The following VPS37B variants were observed in gnomAD, a reference collection of about 807,000 sequenced individuals.
VPS37B encodes the protein vacuolar protein sorting-associated protein 37B.
Under a neutral mutation model 21.2 loss-of-function variants are expected in VPS37B, and 11 were observed. The ratio of observed to expected loss-of-function variants is 0.52; its 90% CI spans 0.33 to 0.86. The LOEUF (loss-of-function observed/expected upper bound fraction) is 0.86, where lower values mean the gene tolerates loss of function less well. Among genes scored for constraint, VPS37B ranks in the 40% least tolerant of loss-of-function variants. The pLI, the probability that VPS37B is intolerant of heterozygous loss-of-function variation, is 0.03. For synonymous variants in VPS37B, 175 were observed against 159.6 expected (o/e 1.10, Z -0.73); for missense variants, 389 against 374.8 (o/e 1.04, Z -0.31).
At chr12:122,890,525 G>A (rs545227766) in intron 1 of VPS37B, among the ~76,000 whole-genome samples, 161 of 152,008 alleles carry the variant, frequency 1.1e-3, no homozygotes, top group African/African-American at 3.8e-3. Flanking sequence ...ATGGAGTTTC[G>A]CCATATTGCC....
intron 1 of VPS37B, chr12:122,888,697 G>A (rs1658195657): frequency 2.5e-6 from 1 of 406,258 alleles, no homozygotes; most frequent in Admixed American, 2.7e-5. Context: ...CTAACAGGAT[G>A]TTAGGTCATC....
chr12:122,872,932 A>C (rs1326280368), intron 1 of VPS37B: 1 of 154,362 alleles, frequency 6.5e-6, no homozygotes, highest in Non-Finnish European at 1.4e-5. Flanking sequence ...CCAGGCCGCA[A>C]AATACCACTC....
At chr12:122,895,076 G>T (rs990865906) in intron 1 of VPS37B, among the ~76,000 whole-genome samples, 1 of 151,954 alleles carries the variant, frequency 6.6e-6, no homozygotes. Context: ...CTCTGCTGGG[G>T]CCACTTCAAA....
intron 1 of VPS37B, chr12:122,888,627 G>A (rs1458092241): frequency 2.2e-6 from 1 of 455,926 alleles, no homozygotes; most frequent in Non-Finnish European, 4.4e-6. Context: ...CTCTGCATAC[G>A]ACCGACCGGT....
chr12:122,882,882 G>C (rs1438508872), intron 1 of VPS37B: 1 of 152,260 alleles, frequency 6.6e-6, no homozygotes, highest in Non-Finnish European at 1.5e-5. Context: ...ATGGCCCTTA[G>C]ATGTGCTGTA....
At chr12:122,892,348 A>T (rs1326693548) in intron 1 of VPS37B, among the ~76,000 whole-genome samples, 2 of 152,170 alleles carry the variant, frequency 1.3e-5, no homozygotes, top group Non-Finnish European at 2.9e-5. Context: ...ACACGCCACA[A>T]TTAAAACAAT....
chr12:122,889,717 G>A (rs1328266753), intron 1 of VPS37B: 1 of 144,888 alleles, frequency 6.9e-6, no homozygotes, highest in Non-Finnish European at 1.5e-5. Context: ...AGCAAAACTC[G>A]GTCTCAAAAA....
At chr12:122,890,451 C>T (rs2034397381) in intron 1 of VPS37B, among the ~76,000 whole-genome samples, 1 of 152,038 alleles carries the variant, frequency 6.6e-6, no homozygotes, top group Non-Finnish European at 1.5e-5. Context: ...CCCACCTCAG[C>T]CTCCTGAATA....
rs148594596 is a variant in VPS37B, at chr12:122,867,536, C to T, written c.438G>A (p.Arg146=). ...TCACCCGTCGCATGTGGGCCAGTTT[C>T]CGTTTGCTCTGATAGACATCAATGA... ...DSFIDVYQSK[R]KLAHMRRVKI... Residue 146 remains arginine (R), a synonymous_variant, in exon 4 of 4, where the codon CGG becomes CGA. Transcript: ENST00000267202. This position sits in a 1 kb window ranked among gnomAD's most constrained non-coding sequence, Gnocchi z 5.5. 18 of 1,613,944 alleles carry T rather than the reference C, an allele frequency of 1.1e-5. No homozygotes were observed. The highest frequency in any genetic ancestry group is 1.1e-5 in the Non-Finnish European group (13 of 1,180,016).
chr12:122,888,030 T>C (rs183500583), intron 1 of VPS37B: 1 of 153,196 alleles, frequency 6.5e-6, no homozygotes, highest in African/African-American at 2.4e-5. Context: ...ATTTGCACTA[T>C]GTTCCTCTAC....
At chr12:122,872,242 G>C in intron 1 of VPS37B, 1 of 985,470 alleles carries the variant, frequency 1.0e-6, no homozygotes, top group Non-Finnish European at 1.2e-6. Flanking sequence ...AAGAGCCTCA[G>C]GGAATCAGAG....
chr12:122,871,940 C>T, intron 1 of VPS37B: 1 of 985,508 alleles, frequency 1.0e-6, no homozygotes, highest in Non-Finnish European at 1.2e-6. Flanking sequence ...GCCGCCACCT[C>T]ACTTTCCTTC....
At chr12:122,893,662 G>A (rs61955186) in intron 1 of VPS37B, among the ~76,000 whole-genome samples, 1 of 151,938 alleles carries the variant, frequency 6.6e-6, no homozygotes, top group African/African-American at 2.4e-5. Flanking sequence ...GTGAGCTAAG[G>A]TATTTTGGTT....
chr12:122,894,809 G>T (rs967317666), intron 1 of VPS37B, among the ~76,000 whole-genome samples: 2 of 152,180 alleles, frequency 1.3e-5, no homozygotes, highest in Admixed American at 6.5e-5. Context: ...CCAGAAACAG[G>T]AGCTGGCACA....
At chr12:122,872,442 A>G (rs537509629) in intron 1 of VPS37B, 7 of 985,442 alleles carry the variant, frequency 7.1e-6, no homozygotes, top group Admixed American at 6.1e-5. Flanking sequence ...TCCCAACTCT[A>G]AAGTAAAAGC....
intron 1 of VPS37B, chr12:122,889,731 A>G (rs551410640): frequency 6.6e-6 from 1 of 152,360 alleles, no homozygotes; most frequent in South Asian, 2.1e-4. Flanking sequence ...TCAAAAAAAA[A>G]AAAAAAAAAG....
At position 122,886,811 on chromosome 12, in the gene VPS37B, C is replaced by T. The variant is rs559934460; in HGVS notation, c.111+9141G>A. The T allele has an allele frequency of 2.4e-3, 365 of 152,236 alleles. 2 individuals carry two copies. Among genetic ancestry groups the T allele is most frequent in the Non-Finnish European group, 3.6e-3 (243 of 68,012 alleles). The allele number at this position is 152,236 out of a possible 1,614,324, so 9.4% of individuals were successfully genotyped here. A position where few individuals can be genotyped will look rare whatever the true frequency, so the allele number is the denominator to read the frequency against. On this transcript the variant is annotated intron_variant, in intron 1 of 3. Coordinates refer to ENST00000267202, the MANE Select transcript of VPS37B (RefSeq NM_024667.3). ...GTTTATACGCATCATCTTATTTAAT[C>T]CTCAGAATAACTCAATAAGGATGGT...
intron 1 of VPS37B, 67 bp from the exon 2 acceptor site, chr12:122,871,128 C>A: frequency 6.3e-7 from 1 of 1,577,458 alleles, no homozygotes; most frequent in Non-Finnish European, 8.6e-7. Flanking sequence ...GAGGTCCCCA[C>A]GCACACCCCA....
chr12:122,882,875 G>A (rs2034266992), intron 1 of VPS37B: 1 of 152,202 alleles, frequency 6.6e-6, no homozygotes, highest in African/African-American at 2.4e-5. Flanking sequence ...GCCTACGATG[G>A]CCCTTAGATG....
Sources: allele counts gnomAD v4.1 joint callset (sites outside exome capture counted in the v4.1 genomes callset), GRCh38; gene constraint gnomAD v4.1.1; non-coding constraint Gnocchi (gnomAD v3.1); transcripts MANE v1.5; gene names NCBI Gene and HGNC (gene_info 2026-07-23, HGNC 2026-07-21).